Variants in ZDHHC17 observed in about 807,000 individuals in gnomAD.
ZDHHC17 encodes zDHHC palmitoyltransferase 17, also known as palmitoyltransferase ZDHHC17.
A neutral mutation model predicts 90.3 loss-of-function variants in ZDHHC17; 40 were observed. The ratio of observed to expected loss-of-function variants is 0.44; its 90% confidence interval spans 0.34 to 0.58. ZDHHC17 has a LOEUF of 0.58. Among genes scored for constraint, ZDHHC17 ranks in the 20% least tolerant of loss-of-function variants. The pLI, the probability that ZDHHC17 is intolerant of heterozygous loss-of-function variation, is 0.01. For missense variants in ZDHHC17, 614 were observed against 780.8 expected (o/e 0.79, Z 2.55); for synonymous variants, 235 against 252.4 (o/e 0.93, Z 0.65).
chr12:76,829,863 C>T (rs111820897), intron 10 of ZDHHC17, among the ~76,000 whole-genome samples: 160 of 152,126 alleles, frequency 1.1e-3, no homozygotes, highest in African/African-American at 3.6e-3. Flanking sequence ...TTTTTTTAAC[C>T]TGTTCCCCAG....
intron 1 of ZDHHC17, among the ~76,000 whole-genome samples, chr12:76,770,539 T>A (rs1393692936): frequency 6.6e-6 from 1 of 152,194 alleles, no homozygotes; most frequent in Non-Finnish European, 1.5e-5. Flanking sequence ...TGTGTCTGTG[T>A]GTATTTTTTA....
chr12:76,809,647 C>A, intron 4 of ZDHHC17, 66 bp from the exon 5 acceptor site: 1 of 1,281,072 alleles, frequency 7.8e-7, no homozygotes, highest in Non-Finnish European at 1.0e-6. Context: ...CTTGAAAAAG[C>A]TCTTCCCAGA....
intron 11 of ZDHHC17, 46 bp from the exon 12 acceptor site, chr12:76,842,873 G>C (rs771640286): frequency 7.0e-7 from 1 of 1,419,816 alleles, no homozygotes; most frequent in Non-Finnish European, 9.7e-7. Context: ...AAGAGTTGGT[G>C]AGCATTGTTC....
At chr12:76,846,318 C>A in intron 13 of ZDHHC17, 1 of 353,354 alleles carries the variant, frequency 2.8e-6, no homozygotes, top group Non-Finnish European at 5.1e-6. Flanking sequence ...CTATTTTAAA[C>A]CTCACAAAGA....
intron 8 of ZDHHC17, among the ~76,000 whole-genome samples, chr12:76,825,570 A>T (rs1166949118): frequency 6.6e-6 from 1 of 152,152 alleles, no homozygotes; most frequent in African/African-American, 2.4e-5. Context: ...TGCAGCATAA[A>T]ATTAAAGCCT....
intron 1 of ZDHHC17, among the ~76,000 whole-genome samples, chr12:76,790,490 A>G: frequency 6.6e-6 from 1 of 152,216 alleles, no homozygotes; most frequent in Non-Finnish European, 1.5e-5. Flanking sequence ...TGACAGAGCG[A>G]GACTCTGTCT....
intron 1 of ZDHHC17, among the ~76,000 whole-genome samples, chr12:76,780,835 C>T (rs999419467): frequency 2.6e-5 from 4 of 151,952 alleles, no homozygotes; most frequent in African/African-American, 4.8e-5. Context: ...TTAAGAAGTC[C>T]GATAGGCCGG....
At chr12:76,775,098 G>A (rs1489843837) in intron 1 of ZDHHC17, among the ~76,000 whole-genome samples, 4 of 152,134 alleles carry the variant, frequency 2.6e-5, no homozygotes, top group South Asian at 2.1e-4. Flanking sequence ...AAAGTGCTGG[G>A]ACCACCATGC....
rs1319281050 is a variant in ZDHHC17, at chr12:76,789,288, AT to A, written c.94-8143del. On this transcript the variant is annotated intron_variant, in intron 1 of 16. Transcript: ENST00000426126. ...CATTTCATTTAAGGAGACCAGTATT[AT>A]TTGTGCTAGGCTCTGTCCTAAGCAC... 3.3e-5 allele frequency among the ~76,000 whole-genome samples: 5 copies of A among 152,310 alleles called. No individual in the cohort carries two copies. The East Asian group carries it at 9.7e-4, about 29-fold the overall frequency.
At chr12:76,783,128 T>A (rs1257615585) in intron 1 of ZDHHC17, among the ~76,000 whole-genome samples, 1 of 152,154 alleles carries the variant, frequency 6.6e-6, no homozygotes. Context: ...GAATTTCAGA[T>A]CTCTCAAAAT....
rs933090522 is a variant in ZDHHC17, at chr12:76,821,213, G to A, written c.772-1193G>A. 2.2e-5 allele frequency: 25 copies of A among 1,130,202 alleles called. No homozygotes were observed. In the African/African-American group the frequency reaches 3.9e-4, roughly 18 times the overall value. 70.0% of individuals were successfully genotyped at this position (1,130,202 alleles called of 1,614,324 possible). A position where few individuals can be genotyped will look rare whatever the true frequency, so the allele number is the denominator to read the frequency against. The stretch of plus-strand genomic sequence containing the variant: ...TAATTAGCTGGTTCTGACAACTTAG[G>A]TGATGGAATTTTGGAATAGGTAAGG... On this transcript the variant is annotated intron_variant, in intron 7 of 16. Transcript: ENST00000426126.
intron 1 of ZDHHC17, among the ~76,000 whole-genome samples, chr12:76,765,020 A>G (rs1048303611): frequency 1.3e-5 from 2 of 152,164 alleles, no homozygotes; most frequent in African/African-American, 4.8e-5. Flanking sequence ...ATGTAAGTAA[A>G]CAGTGCCCCG....
chr12:76,786,265 G>C (rs1246150491), intron 1 of ZDHHC17, among the ~76,000 whole-genome samples: 1 of 151,764 alleles, frequency 6.6e-6, no homozygotes, highest in African/African-American at 2.4e-5. Flanking sequence ...ATTAAGCCTG[G>C]CTAATTTTTT....
Position 76,850,985 on chromosome 12 carries a change from G to T in ZDHHC17, c.1899G>T (p.Ter633TyrextTer6). The T allele has an allele frequency of 6.2e-7, 1 of 1,613,814 alleles. No individual in the cohort carries two copies. The highest frequency in any genetic ancestry group is 8.5e-7 in the Non-Finnish European group (1 of 1,179,828). Residue 633 changes from the stop codon to tyrosine, a stop_lost, in exon 17 of 17, where the codon TAG (stop) becomes TAT (tyrosine). Transcript: ENST00000426126. ...QISGSGYQLV[*>Y] ...CAGGATCTGGGTACCAGCTGGTGTA[G>T]CGACATCTTATCCTATGAAGCATAT...
chr12:76,846,588 T>C lies in ZDHHC17; in HGVS notation c.1424-8T>C, dbSNP rs1184017934. ...GCTGAAAAACCTTGCTTCTGTGTCG[T>C]TCTTCAGGTGCAGGCAACCATAGAT... On this transcript the variant is annotated splice_polypyrimidine_tract_variant and splice_region_variant and intron_variant, in intron 13 of 16. Transcript: ENST00000426126. The C allele has an allele frequency of 5.0e-6, 8 of 1,610,050 alleles. No homozygotes were observed. The highest frequency in any genetic ancestry group is 5.9e-6 in the Non-Finnish European group (7 of 1,177,702).
chr12:76,843,104 G>A (rs1026568473), intron 12 of ZDHHC17, 123 bp downstream of exon 12: 3 of 670,904 alleles, frequency 4.5e-6, no homozygotes, highest in African/African-American at 1.9e-5. Context: ...CTGCTTCTTG[G>A]TATAAGAGGA....
At position 76,850,986 on chromosome 12, in the gene ZDHHC17, C is replaced by T. The variant is rs762762176; in HGVS notation, c.*1C>T. The T allele has an allele frequency of 5.0e-6, 8 of 1,613,538 alleles. No homozygotes were observed. The highest frequency in any genetic ancestry group is 2.7e-5 in the African/African-American group (2 of 74,870). On this transcript the variant is annotated 3_prime_UTR_variant, in exon 17 of 17. Coordinates refer to ENST00000426126, the MANE Select transcript of ZDHHC17 (RefSeq NM_015336.4). ...AGGATCTGGGTACCAGCTGGTGTAG[C>T]GACATCTTATCCTATGAAGCATATT...
At chr12:76,826,740 G>A (rs767861695) in intron 8 of ZDHHC17, among the ~76,000 whole-genome samples, 168 bp from the exon 9 acceptor site, 6 of 152,138 alleles carry the variant, frequency 3.9e-5, no homozygotes, top group Non-Finnish European at 7.3e-5. Flanking sequence ...TTCATTGCCT[G>A]TCTCCAGAAG....
At chr12:76,793,468 T>G (rs999638630) in intron 1 of ZDHHC17, among the ~76,000 whole-genome samples, 13 of 152,164 alleles carry the variant, frequency 8.5e-5, no homozygotes, top group Admixed American at 2.0e-4. Context: ...TGCAGTGAGC[T>G]GAGATCATGC....
Sources: allele counts gnomAD v4.1 joint callset (sites outside exome capture counted in the v4.1 genomes callset), GRCh38; gene constraint gnomAD v4.1.1; transcripts MANE v1.5; gene names NCBI Gene and HGNC (gene_info 2026-07-23, HGNC 2026-07-21).